The following ATRN variants were observed in gnomAD, a reference collection of about 807,000 sequenced individuals.
ATRN encodes attractin-2.
ATRN carries 54 observed loss-of-function variants against 178.7 expected under a neutral mutation model. The ratio of observed to expected loss-of-function variants is 0.30; its 90% CI spans 0.24 to 0.38. ATRN has a LOEUF of 0.38. Ranked by LOEUF, ATRN falls within the 10% of genes least tolerant of loss-of-function variation. ATRN has a pLI of 1.00. For missense variants in ATRN, 1,443 were observed against 1,815.1 expected (o/e 0.79, Z 3.73); for synonymous variants, 636 against 663.0 (o/e 0.96, Z 0.63).
At chr20:3,553,436 G>A (rs1260609725) in intron 6 of ATRN, among the ~76,000 whole-genome samples, 1 of 152,136 alleles carries the variant, frequency 6.6e-6, no homozygotes, top group African/African-American at 2.4e-5. Context: ...TTAGTCTTCA[G>A]CAGTAGGTTT....
chr20:3,518,343 A>G (rs1341329576), intron 1 of ATRN, among the ~76,000 whole-genome samples: 4 of 152,234 alleles, frequency 2.6e-5, no homozygotes, highest in African/African-American at 7.2e-5. Flanking sequence ...GAAAAAGCCC[A>G]TAAGGGACAA....
intron 23 of ATRN, among the ~76,000 whole-genome samples, chr20:3,602,132 C>A (rs1478861337): frequency 6.6e-6 from 1 of 151,968 alleles, no homozygotes; most frequent in Non-Finnish European, 1.5e-5. Context: ...AGTTTTGAGA[C>A]CAGCCTGGCC....
At chr20:3,552,099 C>A (rs1040276993) in intron 6 of ATRN, among the ~76,000 whole-genome samples, 3 of 152,134 alleles carry the variant, frequency 2.0e-5, no homozygotes, top group Non-Finnish European at 2.9e-5. Context: ...TCTAGGACAC[C>A]ACATCCCCTT....
chr20:3,505,929 G>A (rs1457175636), intron 1 of ATRN, among the ~76,000 whole-genome samples: 3 of 152,196 alleles, frequency 2.0e-5, no homozygotes, highest in African/African-American at 7.2e-5. Context: ...CACAGGGATA[G>A]GAGGTATGCT....
rs1190204448 is a variant in ATRN at position 3,585,609 on chromosome 20, T to C, written c.3184+729T>C. On this transcript the variant is annotated intron_variant, in intron 18 of 28. Transcript: ENST00000262919. ...TAGGAGTTAACTTTTTAACGAAATA[T>C]TTAAATCTCTGCTTTTTCATGAATA... 2.0e-5 allele frequency among the ~76,000 whole-genome samples: 3 copies of C among 152,334 alleles called. No homozygotes were observed. In the South Asian group the frequency reaches 6.2e-4, roughly 32 times the overall value.
At chr20:3,577,831 C>G (rs1034556285) in intron 14 of ATRN, among the ~76,000 whole-genome samples, 1 of 152,112 alleles carries the variant, frequency 6.6e-6, no homozygotes, top group African/African-American at 2.4e-5. Flanking sequence ...AAGTCTTTGT[C>G]TGTTCTTAAA....
intron 1 of ATRN, among the ~76,000 whole-genome samples, chr20:3,474,332 G>A (rs1438485952): frequency 6.6e-6 from 1 of 152,108 alleles, no homozygotes; most frequent in Non-Finnish European, 1.5e-5. Flanking sequence ...TGGTCCTGAT[G>A]ATACCATTAT....
rs183667148 is a variant in ATRN at position 3,530,296 on chromosome 20, C to G, written c.411-4957C>G. Reference sequence around the variant, plus strand: ...TTTTTCTTTTGGAGACAGAGTTTTGCTCTTTCTCCCAGGCTGGAGTGAAGT... The same window carrying G: ...TTTTTCTTTTGGAGACAGAGTTTTGGTCTTTCTCCCAGGCTGGAGTGAAGT... On this transcript the variant is annotated intron_variant, in intron 1 of 28. Transcript: ENST00000262919. Among the ~76,000 whole-genome samples the G allele has an allele frequency of 1.9e-3, 285 of 149,044 alleles. 1 individual carries two copies. The highest frequency in any genetic ancestry group is 3.2e-3 in the Non-Finnish European group (213 of 67,438).
In ATRN at chr20:3,520,277, G is replaced by A. The variant is rs193227947; in HGVS notation, c.411-14976G>A. Among the ~76,000 whole-genome samples the A allele has an allele frequency of 2.6e-5, 4 of 152,198 alleles. No individual in the cohort carries two copies. The East Asian group carries it at 7.7e-4, about 29-fold the overall frequency. The stretch of plus-strand genomic sequence containing the variant: ...GAAGGGAAAGGAAGAAAGGGTAGAT[G>A]TATCTTAGGAGTCTCATTTTTGGGG... On this transcript the variant is annotated intron_variant, in intron 1 of 28. Coordinates refer to ENST00000262919, the MANE Select transcript of ATRN (RefSeq NM_139321.3).
chr20:3,530,038 A>G (rs1419710161), intron 1 of ATRN, among the ~76,000 whole-genome samples: 3 of 151,696 alleles, frequency 2.0e-5, no homozygotes, highest in Non-Finnish European at 4.4e-5. Context: ...AAAGATCAAT[A>G]ATTATAATAA....
At chr20:3,519,525 G>A (rs962188765) in intron 1 of ATRN, among the ~76,000 whole-genome samples, 3 of 152,266 alleles carry the variant, frequency 2.0e-5, no homozygotes, top group East Asian at 3.9e-4. Context: ...AATCATGAAA[G>A]CAAAGAAACT....
intron 3 of ATRN, among the ~76,000 whole-genome samples, chr20:3,545,167 G>A (rs139951118): frequency 6.6e-6 from 1 of 152,092 alleles, no homozygotes; most frequent in Non-Finnish European, 1.5e-5. Context: ...AGGAGTTCAA[G>A]ACCAGCCTGG....
intron 1 of ATRN, among the ~76,000 whole-genome samples, chr20:3,530,201 A>C (rs1189308278): frequency 6.7e-6 from 1 of 148,834 alleles, no homozygotes; most frequent in African/African-American, 2.4e-5. Context: ...GTGGTAGAGC[A>C]GGCATGGTAT....
At chr20:3,482,205 A>G (rs551163071) in intron 1 of ATRN, among the ~76,000 whole-genome samples, 8 of 152,006 alleles carry the variant, frequency 5.3e-5, no homozygotes, top group East Asian at 3.9e-4. Context: ...ACCTTACTCT[A>G]TTTAAAACGT....
intron 6 of ATRN, among the ~76,000 whole-genome samples, chr20:3,552,096 C>T (rs2085795745): frequency 6.6e-6 from 1 of 152,176 alleles, no homozygotes; most frequent in Non-Finnish European, 1.5e-5. Flanking sequence ...GCTTCTAGGA[C>T]ACCACATCCC....
chr20:3,545,218 A>G (rs756766913), intron 3 of ATRN, among the ~76,000 whole-genome samples: 1 of 152,120 alleles, frequency 6.6e-6, no homozygotes, highest in African/African-American at 2.4e-5. Context: ...ACTATAAAAA[A>G]TTAGCTGGGC....
At chr20:3,609,335 G>C (rs550267261) in intron 24 of ATRN, among the ~76,000 whole-genome samples, 1 of 151,998 alleles carries the variant, frequency 6.6e-6, no homozygotes, top group South Asian at 2.1e-4. Context: ...TCTTTTGCTA[G>C]TTCGTTGCTC....
intron 1 of ATRN, among the ~76,000 whole-genome samples, chr20:3,487,469 G>T (rs1410880226): frequency 6.6e-6 from 1 of 152,110 alleles, no homozygotes; most frequent in Non-Finnish European, 1.5e-5. Flanking sequence ...CTGATCTTGT[G>T]ATCCACCCGC....
chr20:3,473,788 G>A (rs1308041576), intron 1 of ATRN, among the ~76,000 whole-genome samples: 1 of 152,124 alleles, frequency 6.6e-6, no homozygotes, highest in Admixed American at 6.5e-5. Context: ...TTCAGAGTAG[G>A]TACACTCACT....
Sources: allele counts gnomAD v4.1 joint callset (sites outside exome capture counted in the v4.1 genomes callset), GRCh38; gene constraint gnomAD v4.1.1; transcripts MANE v1.5; gene names NCBI Gene and HGNC (gene_info 2026-07-23, HGNC 2026-07-21).